Variants in DIP2A observed in about 807,000 individuals in gnomAD.
The protein encoded by DIP2A is DIP2 acetate--CoA ligase A, also known as disco-interacting protein 2 homolog A.
In DIP2A, 85 loss-of-function variants were observed where a neutral mutation model predicts 177.4. That is an observed-to-expected ratio of 0.48 (90% CI 0.40 to 0.57). The LOEUF is 0.57. Among genes scored for constraint, DIP2A ranks in the 20% least tolerant of loss-of-function variants. The pLI is 0.00. For missense variants in DIP2A, 1,791 were observed against 2,100.2 expected (o/e 0.85, Z 2.88); for synonymous variants, 886 against 881.8 (o/e 1.00, Z -0.08).
At chr21:46,490,793 A>C (rs1002397617) in intron 3 of DIP2A, 74 bp downstream of exon 3, 19 of 1,458,910 alleles carry the variant, frequency 1.3e-5, no homozygotes, top group Middle Eastern at 2.2e-4. Context: ...GAAGTCTTCC[A>C]GTTATTTTTC....
chr21:46,467,826 A>G (rs966472131), intron 1 of DIP2A, among the ~76,000 whole-genome samples: 2 of 152,096 alleles, frequency 1.3e-5, no homozygotes, highest in African/African-American at 4.8e-5. Flanking sequence ...AAAAATATCA[A>G]TGCCAGCTGG....
rs2839319 is a variant in DIP2A, at chr21:46,550,783, C to G, written c.2839+39C>G. 42,368 of 1,598,222 alleles carry G rather than the reference C, an allele frequency of 0.027. 4,346 individuals carry two copies. The Admixed American group carries it at 0.32, about 12-fold the overall frequency. On this transcript the variant is annotated intron_variant, in intron 23 of 37. Coordinates refer to ENST00000417564, the MANE Select transcript of DIP2A (RefSeq NM_015151.4). ...AACAACAGGATGCTCTCTAGTCTAACAGTGGTAACAGCGGTGCTTGTGGTT... is the reference window on the plus strand; with the variant it reads ...AACAACAGGATGCTCTCTAGTCTAAGAGTGGTAACAGCGGTGCTTGTGGTT...
chr21:46,500,493 A>C (rs2057590644), intron 5 of DIP2A, among the ~76,000 whole-genome samples: 1 of 152,236 alleles, frequency 6.6e-6, no homozygotes, highest in Non-Finnish European at 1.5e-5. Context: ...ATACATAGTT[A>C]ACTCCAATTC....
intron 8 of DIP2A, among the ~76,000 whole-genome samples, chr21:46,521,173 C>T (rs762946092): frequency 3.9e-5 from 6 of 152,048 alleles, no homozygotes; most frequent in African/African-American, 7.2e-5. Flanking sequence ...AAAAGGCAAA[C>T]AAAAATCTTT....
chr21:46,486,459 G>T (rs1018361189), intron 2 of DIP2A, among the ~76,000 whole-genome samples: 1 of 152,156 alleles, frequency 6.6e-6, no homozygotes, highest in Non-Finnish European at 1.5e-5. Context: ...CTTCCAAAGT[G>T]CTGGGATTAC....
At chr21:46,579,315 A>C in the DIP2A span, among the ~76,000 whole-genome samples, 1 of 151,936 alleles carries the variant, frequency 6.6e-6, no homozygotes, top group Non-Finnish European at 1.5e-5. Context: ...TCTCTTTATC[A>C]TTTTCATTGT....
In DIP2A at chr21:46,547,271, G is replaced by C. The variant is rs185792097; in HGVS notation, c.2522+229G>C. ...GGATTCCTTAAGAAAATAAGGTTTT[G>C]ATGTAAAATTTGGGGCAAAGGCTCA... On this transcript the variant is annotated intron_variant, in intron 21 of 37. Transcript: ENST00000417564. The C allele has an allele frequency of 3.3e-5, 42 of 1,266,160 alleles. No homozygotes were observed. The African/African-American group carries it at 6.2e-4, about 19-fold the overall frequency. 78.4% of individuals were successfully genotyped at this position (1,266,160 alleles called of 1,614,324 possible).
chr21:46,528,735 C>G (rs2148735403), intron 8 of DIP2A, among the ~76,000 whole-genome samples: 1 of 151,514 alleles, frequency 6.6e-6, no homozygotes, highest in Non-Finnish European at 1.5e-5. Flanking sequence ...GCCATGTTGG[C>G]CAGGCTGGTC....
chr21:46,555,798 T>C (rs1473218035), intron 28 of DIP2A, 184 bp from the exon 29 acceptor site: 3 of 593,930 alleles, frequency 5.1e-6, no homozygotes, highest in Non-Finnish European at 9.1e-6. Flanking sequence ...AGCGTTTCCA[T>C]GAAGAATGAA....
chr21:46,514,641 GGT>G (rs1569014010), intron 8 of DIP2A, among the ~76,000 whole-genome samples: 9 of 59,510 alleles, frequency 1.5e-4, no homozygotes, highest in African/African-American at 6.3e-4. Context: ...TTTTTTTTTT[GGT>G]TTTTTTTTTT....
intron 8 of DIP2A, among the ~76,000 whole-genome samples, chr21:46,524,548 A>G (rs1028737013): frequency 1.3e-5 from 2 of 152,126 alleles, no homozygotes; most frequent in African/African-American, 2.4e-5. Context: ...CCAGAAAGGG[A>G]TCCTATTCCA....
At chr21:46,583,732 G>A in the DIP2A span, among the ~76,000 whole-genome samples, 3 of 152,158 alleles carry the variant, frequency 2.0e-5, no homozygotes, top group Non-Finnish European at 4.4e-5. Context: ...GGCAGGTCTG[G>A]CCTCCCCTTG....
At chr21:46,547,791 T>C (rs2060118071) in intron 21 of DIP2A, among the ~76,000 whole-genome samples, 1 of 149,744 alleles carries the variant, frequency 6.7e-6, no homozygotes, top group Non-Finnish European at 1.5e-5. Flanking sequence ...TTACCGCACC[T>C]CCTGAGCAGC....
At chr21:46,460,720 G>A (rs1601275863) in intron 1 of DIP2A, among the ~76,000 whole-genome samples, 1 of 151,680 alleles carries the variant, frequency 6.6e-6, no homozygotes, top group Admixed American at 6.6e-5. Flanking sequence ...TTGAGACGGA[G>A]TCTTGCTCTG....
At chr21:46,529,558 G>A (rs1052231524) in intron 9 of DIP2A, among the ~76,000 whole-genome samples, 5 of 150,152 alleles carry the variant, frequency 3.3e-5, no homozygotes, top group Admixed American at 6.6e-5. Flanking sequence ...CCAAGATCTC[G>A]CCACTGCACT....
At position 46,498,607 on chromosome 21, in the gene DIP2A, G is replaced by GAT; in HGVS notation, c.429_430insAT (p.Gly144MetfsTer76). 6.2e-7 allele frequency: 1 copy of GAT among 1,611,200 alleles called. No individual in the cohort carries two copies. ...ACACGTCGTCTGCCTCAGAAGATGA[G>GAT]GGCTCTTTACGGCGACCCGGGCGAC... On this transcript the variant is annotated frameshift_variant, in exon 5 of 38. Transcript: ENST00000417564. LOFTEE classifies it high-confidence loss of function. This position sits in a 1 kb window ranked among gnomAD's most constrained non-coding sequence, Gnocchi z 4.3.
intron 8 of DIP2A, among the ~76,000 whole-genome samples, chr21:46,516,834 A>G (rs1396925143): frequency 6.6e-6 from 1 of 151,834 alleles, no homozygotes; most frequent in East Asian, 1.9e-4. Context: ...TGAGTTCCTT[A>G]TTTTAGATAT....
intron 1 of DIP2A, among the ~76,000 whole-genome samples, chr21:46,464,845 C>CCCA (rs2054669196): frequency 8.4e-5 from 1 of 11,904 alleles, no homozygotes; most frequent in African/African-American, 3.2e-4. Flanking sequence ...TTTTTTTTTT[C>CCCA]AAGAAAACAC....
chr21:46,576,887 G>T, the DIP2A span, among the ~76,000 whole-genome samples: 1 of 152,136 alleles, frequency 6.6e-6, no homozygotes, highest in South Asian at 2.1e-4. Flanking sequence ...CAGCGATATT[G>T]AGCTTTTTTT....
Sources: gnomAD v4.1 joint callset for allele counts (sites outside exome capture counted in the v4.1 genomes callset) on GRCh38, gnomAD v4.1.1 for gene constraint, Gnocchi (gnomAD v3.1) non-coding constraint, MANE v1.5 for transcripts, NCBI Gene and HGNC (gene_info 2026-07-23, HGNC 2026-07-21) for gene names.